SH3GL1: variants seen among roughly 807,000 people sequenced by gnomAD.
SH3GL1 encodes the protein endophilin-A2.
Under a neutral mutation model 48.8 loss-of-function variants are expected in SH3GL1, and 21 were observed. The ratio of observed to expected loss-of-function variants is 0.43; its 90% CI spans 0.30 to 0.62. The LOEUF (loss-of-function observed/expected upper bound fraction) is 0.62, where lower values mean the gene tolerates loss of function less well. Among genes scored for constraint, SH3GL1 ranks in the 20% least tolerant of loss-of-function variants. SH3GL1 has a pLI of 0.11. For missense variants in SH3GL1, 454 were observed against 503.0 expected (o/e 0.90, Z 0.93); for synonymous variants, 282 against 217.5 (o/e 1.30, Z -2.61).
intron 2 of SH3GL1, 43 bp from the exon 3 acceptor site, chr19:4,366,616 G>GTCTTGTGTGCCTTGGGCC: frequency 6.4e-7 from 1 of 1,565,360 alleles, no homozygotes; most frequent in Non-Finnish European, 8.7e-7. Flanking sequence ...GCCAGTGGGG[G>GTCTTGTGTGCCTTGGGCC]CCCAAGGCAC....
In SH3GL1 at chr19:4,365,363, C is replaced by T. The variant is rs541337860; in HGVS notation, c.331+119G>A. On this transcript the variant is annotated intron_variant, in intron 4 of 9. Transcript: ENST00000269886. ...CTCCTGCACCTCTGCAGCTGGAAAG[C>T]TGTGGGGGCCACTGTACGTCCCCGG... 77 of 1,363,258 alleles carry T rather than the reference C, an allele frequency of 5.6e-5. No individual in the cohort carries two copies. The Admixed American group carries it at 9.8e-4, about 17-fold the overall frequency. 84.4% of individuals were successfully genotyped at this position (1,363,258 alleles called of 1,614,324 possible).
At chr19:4,373,318 C>A (rs893915799) in intron 1 of SH3GL1, among the ~76,000 whole-genome samples, 1 of 152,164 alleles carries the variant, frequency 6.6e-6, no homozygotes, top group African/African-American at 2.4e-5. Flanking sequence ...GGAAGGGTCC[C>A]GACAGCCGGG....
At chr19:4,386,134 G>A (rs536054431) in intron 1 of SH3GL1, among the ~76,000 whole-genome samples, 1 of 152,322 alleles carries the variant, frequency 6.6e-6, no homozygotes, top group African/African-American at 2.4e-5. Flanking sequence ...GAGCCACAAA[G>A]GCTGGCCTTG....
chr19:4,384,273 G>A (rs1488296881), intron 1 of SH3GL1, among the ~76,000 whole-genome samples: 1 of 152,220 alleles, frequency 6.6e-6, no homozygotes, highest in Admixed American at 6.5e-5. Flanking sequence ...GGACCACACA[G>A]AGCTAACCCT....
chr19:4,372,985 G>A (rs1972932897), intron 1 of SH3GL1, among the ~76,000 whole-genome samples: 1 of 152,262 alleles, frequency 6.6e-6, no homozygotes, highest in African/African-American at 2.4e-5. Flanking sequence ...TCCTGTGACA[G>A]TAAGTGCCTG....
intron 1 of SH3GL1, among the ~76,000 whole-genome samples, chr19:4,379,145 C>T (rs950061217): frequency 6.6e-6 from 1 of 152,056 alleles, no homozygotes; most frequent in Admixed American, 6.6e-5. Flanking sequence ...TACTGGCGGA[C>T]GAGGGCGGGA....
intron 1 of SH3GL1, among the ~76,000 whole-genome samples, chr19:4,381,824 C>T (rs1275443659): frequency 6.6e-6 from 1 of 150,570 alleles, no homozygotes; most frequent in Non-Finnish European, 1.5e-5. Context: ...TCCCGAGTAG[C>T]TGGGACTACA....
intron 1 of SH3GL1, among the ~76,000 whole-genome samples, chr19:4,373,122 C>T (rs1303719072): frequency 1.1e-5 from 1 of 91,808 alleles, no homozygotes; most frequent in Admixed American, 1.5e-4. Context: ...GGGAGAGGAG[C>T]AGTGGGAGGG....
intron 1 of SH3GL1, among the ~76,000 whole-genome samples, chr19:4,368,278 TG>T (rs1390586222): frequency 4.6e-5 from 7 of 152,190 alleles, no homozygotes; most frequent in Non-Finnish European, 7.4e-5. Context: ...TGTGTGGGGC[TG>T]GGGGGTGTCC....
chr19:4,362,995 CCA>C (rs1187508912), intron 7 of SH3GL1, among the ~76,000 whole-genome samples: 8 of 152,160 alleles, frequency 5.3e-5, no homozygotes, highest in African/African-American at 1.9e-4. Context: ...TACAACACCC[CCA>C]GTCGCATCCC....
chr19:4,361,879 G>C lies in SH3GL1; in HGVS notation c.911-83C>G. 8.8e-6 allele frequency: 9 copies of C among 1,020,028 alleles called. No homozygotes were observed. The South Asian group carries it at 1.1e-4, about 13-fold the overall frequency. 63.2% of individuals were successfully genotyped at this position (1,020,028 alleles called of 1,614,324 possible). On this transcript the variant is annotated intron_variant, in intron 9 of 9. Coordinates refer to ENST00000269886, the MANE Select transcript of SH3GL1 (RefSeq NM_003025.4). ...GGGGTCTCAGACCTGCTGTGACCTG[G>C]AGCGTGTGGGTGGGCATGGGCCTCC...
At chr19:4,372,804 T>A (rs539097085) in intron 1 of SH3GL1, among the ~76,000 whole-genome samples, 56 of 152,168 alleles carry the variant, frequency 3.7e-4, no homozygotes, top group Non-Finnish European at 5.9e-4. Flanking sequence ...TGTCCCCTTT[T>A]CCATGTGGGC....
At chr19:4,364,282 T>C (rs1972711513) in intron 4 of SH3GL1, 61 bp from the exon 5 acceptor site, 3 of 1,593,478 alleles carry the variant, frequency 1.9e-6, no homozygotes, top group Admixed American at 1.7e-5. Context: ...ACTGAGACAC[T>C]CCTCAGCCTT....
chr19:4,395,917 T>C (rs536059309), intron 1 of SH3GL1: 1 of 151,534 alleles, frequency 6.6e-6, no homozygotes, highest in Non-Finnish European at 1.5e-5. Flanking sequence ...TCTCAAAATA[T>C]ATATATATAT....
At chr19:4,375,646 G>A (rs141569002) in intron 1 of SH3GL1, among the ~76,000 whole-genome samples, 27 of 152,354 alleles carry the variant, frequency 1.8e-4, no homozygotes, top group Admixed American at 2.6e-4. Context: ...GCTCCAGCCC[G>A]AGCGAACACA....
rs1054003237 is a variant in SH3GL1 at position 4,361,071 on chromosome 19, G to A, written c.*529C>T. 4.7e-5 allele frequency: 11 copies of A among 236,558 alleles called. No homozygotes were observed. The highest frequency in any genetic ancestry group is 8.8e-5 in the African/African-American group (4 of 45,310). The allele number at this position is 236,558 out of a possible 1,614,324, so 14.7% of individuals were successfully genotyped here. ...GAAGGAGTGCGTGTGTGAGGCGGGGGTGCATTGGCCCTGGAGTAGGGCCAG... is the reference window on the plus strand; with the variant it reads ...GAAGGAGTGCGTGTGTGAGGCGGGGATGCATTGGCCCTGGAGTAGGGCCAG... On this transcript the variant is annotated 3_prime_UTR_variant, in exon 10 of 10. Transcript: ENST00000269886.
chr19:4,379,387 C>T (rs1385613514), intron 1 of SH3GL1, among the ~76,000 whole-genome samples: 1 of 150,754 alleles, frequency 6.6e-6, no homozygotes, highest in African/African-American at 2.4e-5. Flanking sequence ...GATCACACCA[C>T]TGCACTCCTG....
In SH3GL1 at chr19:4,360,626, T is replaced by C. The variant is rs1972580625; in HGVS notation, c.*974A>G. The stretch of plus-strand genomic sequence containing the variant: ...TGCATTGGGCGATAGAGGAAGCAGA[T>C]GTCGGGGCTGCCTGCCTTGGTCTAG... On this transcript the variant is annotated 3_prime_UTR_variant, in exon 10 of 10. Coordinates refer to ENST00000269886, the MANE Select transcript of SH3GL1 (RefSeq NM_003025.4). The C allele has an allele frequency of 4.3e-6, 1 of 233,012 alleles. No homozygotes were observed. Among genetic ancestry groups the C allele is most frequent in the South Asian group, 1.8e-4 (1 of 5,576 alleles). The allele number at this position is 233,012 out of a possible 1,614,324, so 14.4% of individuals were successfully genotyped here. A position where few individuals can be genotyped will look rare whatever the true frequency, so the allele number is the denominator to read the frequency against.
At chr19:4,363,668 G>T in intron 6 of SH3GL1, 52 bp downstream of exon 6, 1 of 1,606,888 alleles carries the variant, frequency 6.2e-7, no homozygotes, top group South Asian at 1.1e-5. Context: ...GCACCACCCC[G>T]GCCTCCCAAG....
Sources: gnomAD v4.1 joint callset for allele counts (sites outside exome capture counted in the v4.1 genomes callset) on GRCh38, gnomAD v4.1.1 for gene constraint, MANE v1.5 for transcripts, NCBI Gene and HGNC (gene_info 2026-07-23, HGNC 2026-07-21) for gene names.